Variants in ITSN2 observed in about 807,000 individuals in gnomAD.
ITSN2 encodes the protein intersectin 2, also known as intersectin-2.
In ITSN2, 156 loss-of-function variants were observed where a neutral mutation model predicts 243.7. The observed-to-expected ratio is 0.64, with a 90% CI of 0.56 to 0.73. The LOEUF is 0.73. ITSN2 is among the 30% of genes least tolerant of loss of function. The pLI is 0.00. For synonymous variants in ITSN2, 703 were observed against 699.9 expected (o/e 1.00, Z -0.07); for missense variants, 1,801 against 1,996.1 (o/e 0.90, Z 1.86).
At chr2:24,342,068 G>A (rs1687092052) in intron 1 of ITSN2, among the ~76,000 whole-genome samples, 1 of 152,114 alleles carries the variant, frequency 6.6e-6, no homozygotes, top group Non-Finnish European at 1.5e-5. Flanking sequence ...TTAGAACCTG[G>A]GACAGATATT....
At chr2:24,285,956 T>C (rs918429801) in intron 16 of ITSN2, among the ~76,000 whole-genome samples, 1 of 152,150 alleles carries the variant, frequency 6.6e-6, no homozygotes, top group Non-Finnish European at 1.5e-5. Flanking sequence ...GTTCTGGAAA[T>C]GTATAGATGC....
At position 24,301,223 on chromosome 2, in the gene ITSN2, C is replaced by A. The variant is rs1427034814; in HGVS notation, c.1012G>T (p.Asp338Tyr). The A allele has an allele frequency of 6.2e-7, 1 of 1,605,888 alleles. No individual in the cohort carries two copies. The highest frequency in any genetic ancestry group is 8.5e-7 in the Non-Finnish European group (1 of 1,175,156). The change falls in exon 11 of 40, where the codon GAT (aspartate) becomes TAT (tyrosine). Residue 338 changes from aspartate to tyrosine, a missense_variant. By Grantham distance (160) the Asp-to-Tyr change is radical (BLOSUM62 -3). Transcript: ENST00000355123. ...GAAGGCAGAGTTCCATTAATGGAAT[C>A]AATTTGCTTTCCTCCTCTAAAAAAA... ...PPSFRGGKQI[D>Y]SINGTLPSYQ...
intron 20 of ITSN2, among the ~76,000 whole-genome samples, chr2:24,263,736 T>C (rs1172564779): frequency 6.6e-6 from 1 of 152,230 alleles, no homozygotes; most frequent in East Asian, 1.9e-4. Flanking sequence ...TAAGAACAGT[T>C]TGTTCTTTTT....
At chr2:24,336,186 G>A (rs937499733) in intron 1 of ITSN2, among the ~76,000 whole-genome samples, 5 of 149,200 alleles carry the variant, frequency 3.4e-5, no homozygotes, top group African/African-American at 1.2e-4. Context: ...AGCTTGCAGT[G>A]AGCCGAGATG....
At chr2:24,267,178 T>G (rs571037180) in intron 20 of ITSN2, among the ~76,000 whole-genome samples, 1 of 150,658 alleles carries the variant, frequency 6.6e-6, no homozygotes, top group Non-Finnish European at 1.5e-5. Context: ...CAAGTGGGAG[T>G]TGAACAATGA....
At chr2:24,301,914 A>G in intron 10 of ITSN2, 51 bp downstream of exon 10, 1 of 1,519,624 alleles carries the variant, frequency 6.6e-7, no homozygotes, top group Non-Finnish European at 8.9e-7. Flanking sequence ...CTTCTAAATC[A>G]CATCTGCCAA....
rs778717466 is a variant in ITSN2 at position 24,252,727 on chromosome 2, TTA to T, written c.2954-218_2954-217del. ...AAGTTATTTGACTTAACATAAAACT[TTA>T]GAGTTTCTTTTATTCCCAATTGTTT... On this transcript the variant is annotated intron_variant, in intron 24 of 39. Transcript: ENST00000355123. 6.4e-4 allele frequency among the ~76,000 whole-genome samples: 98 copies of T among 152,272 alleles called. 1 individual carries two copies. The highest frequency in any genetic ancestry group is 5.1e-3 in the Admixed American group (78 of 15,290).
intron 31 of ITSN2, among the ~76,000 whole-genome samples, chr2:24,217,499 G>A (rs1289579276): frequency 2.6e-5 from 4 of 152,122 alleles, no homozygotes; most frequent in East Asian, 1.9e-4. Context: ...TCACAGCCAC[G>A]AAGGATGGAA....
chr2:24,352,991 C>T (rs932039954), intron 1 of ITSN2, among the ~76,000 whole-genome samples: 4 of 152,196 alleles, frequency 2.6e-5, no homozygotes, highest in African/African-American at 9.7e-5. Flanking sequence ...CAGACAGATG[C>T]TTCACTTTCA....
rs535328169 is a variant in ITSN2 at position 24,206,441 on chromosome 2, C to T, written c.4679-1144G>A. Among the ~76,000 whole-genome samples the T allele has an allele frequency of 5.3e-5, 8 of 151,244 alleles. No individual in the cohort carries two copies. The East Asian group carries it at 1.4e-3, about 26-fold the overall frequency. On this transcript the variant is annotated intron_variant, in intron 37 of 39. Transcript: ENST00000355123. ...AGATGCAGCTGGCTCAGAGCACAGG[C>T]CCCCTGTGGGGTGGAGGCCACAGGC...
In ITSN2 at chr2:24,270,726, G is replaced by C. The variant is rs1302598595; in HGVS notation, c.2300C>G (p.Pro767Arg). ...SVLVNYRALY[P>R]FEARNHDEMS... ...CTCATCATGGTTCCTTGCTTCAAAG[G>C]GGTATAATGCTCTATAATTCACCAA... The change falls in exon 20 of 40, where the codon CCC (proline) becomes CGC (arginine). Residue 767 changes from proline to arginine, a missense_variant. By Grantham distance (103) the Pro-to-Arg change is moderately radical. This residue lies in a region of ITSN2 where 787 missense variants were observed against 803.9 expected (regional missense o/e 0.98). Coordinates refer to ENST00000355123, the MANE Select transcript of ITSN2 (RefSeq NM_006277.3). The C allele has an allele frequency of 6.2e-7, 1 of 1,602,752 alleles. No homozygotes were observed. Among genetic ancestry groups the C allele is most frequent in the Non-Finnish European group, 8.5e-7 (1 of 1,171,288 alleles).
At chr2:24,210,183 T>G in intron 34 of ITSN2, 150 bp from the exon 35 acceptor site, 2 of 613,868 alleles carry the variant, frequency 3.3e-6, no homozygotes, top group Non-Finnish European at 2.9e-6. Flanking sequence ...GAAAGATCCT[T>G]AAATACATTA....
intron 15 of ITSN2, among the ~76,000 whole-genome samples, chr2:24,289,896 C>T (rs891963233): frequency 2.0e-5 from 3 of 152,168 alleles, no homozygotes; most frequent in Admixed American, 6.5e-5. Flanking sequence ...TTAGACACCC[C>T]GATCTTAGAT....
chr2:24,304,319 T>C (rs910792272), intron 8 of ITSN2, among the ~76,000 whole-genome samples: 3 of 152,164 alleles, frequency 2.0e-5, no homozygotes, highest in African/African-American at 7.2e-5. Flanking sequence ...AGAGATTACA[T>C]CTGCCAACAC....
intron 1 of ITSN2, among the ~76,000 whole-genome samples, chr2:24,328,945 G>A (rs1232542511): frequency 6.6e-6 from 1 of 152,102 alleles, no homozygotes; most frequent in Non-Finnish European, 1.5e-5. Flanking sequence ...TAAGAGAAGG[G>A]ACTTTGGAAA....
chr2:24,313,731 T>C (rs1024410166), intron 3 of ITSN2, among the ~76,000 whole-genome samples: 1 of 152,248 alleles, frequency 6.6e-6, no homozygotes, highest in Non-Finnish European at 1.5e-5. Context: ...TGCACTTCTA[T>C]TGTATATTAA....
At chr2:24,292,822 G>A (rs1302971697) in intron 15 of ITSN2, among the ~76,000 whole-genome samples, 1 of 152,166 alleles carries the variant, frequency 6.6e-6, no homozygotes, top group Non-Finnish European at 1.5e-5. Context: ...CAGTGATTTG[G>A]TTTCTCATTT....
intron 17 of ITSN2, among the ~76,000 whole-genome samples, chr2:24,282,781 G>A (rs1464125242): frequency 4.6e-5 from 7 of 152,136 alleles, no homozygotes; most frequent in African/African-American, 1.7e-4. Flanking sequence ...CCGTTTTACT[G>A]TCAACTTCCT....
At position 24,204,474 on chromosome 2, in the gene ITSN2, T is replaced by C. The variant is rs1305636030; in HGVS notation, c.4763-56A>G. On this transcript the variant is annotated intron_variant, in intron 38 of 39. Transcript: ENST00000355123. This position sits in a 1 kb window ranked among gnomAD's most constrained non-coding sequence, Gnocchi z 5.1. ...GTGCATGCAGGTAAAACGAAGCGACTGACAGTGCCCTCCCTGAGCAGAAGC... is the reference window on the plus strand; with the variant it reads ...GTGCATGCAGGTAAAACGAAGCGACCGACAGTGCCCTCCCTGAGCAGAAGC... The C allele has an allele frequency of 1.1e-5, 16 of 1,495,278 alleles. No individual in the cohort carries two copies. Among genetic ancestry groups the C allele is most frequent in the Non-Finnish European group, 1.5e-5 (16 of 1,072,172 alleles). 92.6% of individuals were successfully genotyped at this position (1,495,278 alleles called of 1,614,324 possible). A position where few individuals can be genotyped will look rare whatever the true frequency, so the allele number is the denominator to read the frequency against.
Sources: gnomAD v4.1 joint callset for allele counts (sites outside exome capture counted in the v4.1 genomes callset) on GRCh38, gnomAD v4.1.1 for gene constraint, gnomAD v4.1.1 regional missense constraint, Gnocchi (gnomAD v3.1) non-coding constraint, MANE v1.5 for transcripts, NCBI Gene and HGNC (gene_info 2026-07-23, HGNC 2026-07-21) for gene names.